GALNT2: variants seen among roughly 807,000 people sequenced by gnomAD.
GALNT2 encodes the protein UDP-GalNAc:polypeptide N-acetylgalactosaminyltransferase 2.
In GALNT2, 31 loss-of-function variants were observed where a neutral mutation model predicts 81.4. The observed-to-expected ratio is 0.38, with a 90% CI of 0.29 to 0.51. The LOEUF is 0.51. Among genes scored for constraint, GALNT2 ranks in the 20% least tolerant of loss-of-function variants. GALNT2 has a pLI of 0.87. For synonymous variants in GALNT2, 303 were observed against 287.4 expected (o/e 1.05, Z -0.55); for missense variants, 629 against 765.7 (o/e 0.82, Z 2.11).
At chr1:230,201,975 G>T (rs193161140) in intron 2 of GALNT2, among the ~76,000 whole-genome samples, 68 of 152,162 alleles carry the variant, frequency 4.5e-4, no homozygotes, top group Admixed American at 8.5e-4. Context: ...GAAATTGTAT[G>T]AGTTTCATGT....
At chr1:230,147,049 AAT>A (rs1661940531) in intron 1 of GALNT2, among the ~76,000 whole-genome samples, 2 of 152,004 alleles carry the variant, frequency 1.3e-5, no homozygotes, top group Non-Finnish European at 2.9e-5. Context: ...TGGCAGGGTG[AAT>A]TGGGAAGGAG....
chr1:230,212,206 C>T (rs4846935), intron 3 of GALNT2, among the ~76,000 whole-genome samples: 22,454 of 152,082 alleles, frequency 0.15, 1,860 homozygotes, highest in African/African-American at 0.22. Flanking sequence ...ATCCTGGGCT[C>T]AGGGTTCTGT....
chr1:230,062,961 G>A (rs1360031115), upstream of GALNT2, among the ~76,000 whole-genome samples: 1 of 152,038 alleles, frequency 6.6e-6, no homozygotes, highest in East Asian at 1.9e-4. Context: ...GTGCGTAAGG[G>A]TTCCAATTTC....
At chr1:230,252,060 C>T (rs1215631060) in intron 10 of GALNT2, among the ~76,000 whole-genome samples, 2 of 152,178 alleles carry the variant, frequency 1.3e-5, no homozygotes, top group Non-Finnish European at 2.9e-5. Context: ...GGGCATCTGT[C>T]CCTCCGTGAG....
At chr1:230,097,939 A>C (rs1255982015) in intron 1 of GALNT2, among the ~76,000 whole-genome samples, 1 of 152,232 alleles carries the variant, frequency 6.6e-6, no homozygotes, top group Non-Finnish European at 1.5e-5. Context: ...CAGGGATCAA[A>C]ATGAGTTAAT....
intron 14 of GALNT2, among the ~76,000 whole-genome samples, chr1:230,269,100 C>T (rs1460971790): frequency 6.6e-6 from 1 of 152,152 alleles, no homozygotes; most frequent in East Asian, 1.9e-4. Context: ...TCTCTGTCCC[C>T]CTCCAATGGC....
chr1:230,210,806 G>C (rs1558142100), intron 3 of GALNT2, among the ~76,000 whole-genome samples: 1 of 152,210 alleles, frequency 6.6e-6, no homozygotes. Context: ...GGGTTGTGCT[G>C]TTTACTCTCA....
At chr1:230,270,053 T>G (rs774734548) in intron 14 of GALNT2, among the ~76,000 whole-genome samples, 3 of 151,970 alleles carry the variant, frequency 2.0e-5, no homozygotes, top group Non-Finnish European at 4.4e-5. Flanking sequence ...TACAAAAGAT[T>G]AGCTGGGCAT....
chr1:230,253,507 C>T (rs1310119403), intron 10 of GALNT2, among the ~76,000 whole-genome samples: 2 of 152,202 alleles, frequency 1.3e-5, no homozygotes, highest in East Asian at 1.9e-4. Flanking sequence ...AGTGACTGCA[C>T]ACTCTGTAGA....
intron 15 of GALNT2, among the ~76,000 whole-genome samples, chr1:230,277,633 C>G (rs1033335375): frequency 6.6e-6 from 1 of 152,206 alleles, no homozygotes; most frequent in Non-Finnish European, 1.5e-5. Flanking sequence ...CTGGCAAGAA[C>G]TCCAGGTGAG....
chr1:230,066,613 G>C (rs2102736975), upstream of GALNT2, among the ~76,000 whole-genome samples: 1 of 152,352 alleles, frequency 6.6e-6, no homozygotes, highest in Non-Finnish European at 1.5e-5. Flanking sequence ...GCAGCAAGCA[G>C]CAGCAAAGTC....
intron 3 of GALNT2, among the ~76,000 whole-genome samples, chr1:230,219,726 C>A (rs558903765): frequency 6.6e-6 from 1 of 152,188 alleles, no homozygotes; most frequent in African/African-American, 2.4e-5. Flanking sequence ...GCATTCTTTG[C>A]AAAGTGCTTG....
intron 1 of GALNT2, among the ~76,000 whole-genome samples, chr1:230,126,784 A>G (rs1419544380): frequency 6.6e-6 from 1 of 152,194 alleles, no homozygotes; most frequent in Non-Finnish European, 1.5e-5. Flanking sequence ...TCCAGCCCGT[A>G]TAACCCCACG....
chr1:230,268,634 G>A (rs1382064415), intron 14 of GALNT2, among the ~76,000 whole-genome samples: 3 of 152,320 alleles, frequency 2.0e-5, no homozygotes, highest in South Asian at 4.1e-4. Flanking sequence ...CTCACCCCCC[G>A]CCAGCATTGC....
At chr1:230,079,558 T>G (rs763842510) in intron 1 of GALNT2, among the ~76,000 whole-genome samples, 1 of 152,252 alleles carries the variant, frequency 6.6e-6, no homozygotes, top group African/African-American at 2.4e-5. Context: ...AAAGCTATAG[T>G]TCGTGAAACA....
intron 1 of GALNT2, among the ~76,000 whole-genome samples, chr1:230,096,182 T>C (rs931183600): frequency 1.3e-5 from 2 of 152,178 alleles, no homozygotes; most frequent in Non-Finnish European, 2.9e-5. Context: ...TGCATTTTGG[T>C]GTCCTCTTGC....
intron 1 of GALNT2, among the ~76,000 whole-genome samples, chr1:230,146,218 C>G (rs1442459131): frequency 6.6e-6 from 1 of 152,084 alleles, no homozygotes; most frequent in South Asian, 2.1e-4. Flanking sequence ...TTATTTTTCC[C>G]CTCCCTTTTC....
intron 1 of GALNT2, among the ~76,000 whole-genome samples, chr1:230,131,668 C>G (rs759653273): frequency 6.6e-6 from 1 of 152,168 alleles, no homozygotes; most frequent in Non-Finnish European, 1.5e-5. Flanking sequence ...GCCAAGTAGA[C>G]CGAAGTTCGG....
chr1:230,231,715 A>G (rs1664871467), intron 3 of GALNT2, among the ~76,000 whole-genome samples: 1 of 152,222 alleles, frequency 6.6e-6, no homozygotes, highest in Non-Finnish European at 1.5e-5. Flanking sequence ...TTAAAGCTAA[A>G]TAAAGGATTC....
Sources: allele counts gnomAD v4.1 joint callset (sites outside exome capture counted in the v4.1 genomes callset), GRCh38; gene constraint gnomAD v4.1.1; transcripts MANE v1.5; gene names NCBI Gene and HGNC (gene_info 2026-07-23, HGNC 2026-07-21).